Variants in CDKAL1 observed in about 807,000 individuals in gnomAD.
CDKAL1 encodes the protein threonylcarbamoyladenosine tRNA methylthiotransferase.
A neutral mutation model predicts 68.2 loss-of-function variants in CDKAL1; 32 were observed. The ratio of observed to expected loss-of-function variants is 0.47; its 90% CI spans 0.35 to 0.63. The LOEUF is 0.63. Among genes scored for constraint, CDKAL1 ranks in the 30% least tolerant of loss-of-function variants. The pLI is 0.00. For synonymous variants in CDKAL1, 234 were observed against 244.3 expected (o/e 0.96, Z 0.39); for missense variants, 606 against 696.7 (o/e 0.87, Z 1.47).
rs561327276 is a variant in CDKAL1, at chr6:20,683,623, T to A, written c.371+34246T>A. ...GGAAGGTACAGAGATGTTCCATATA[T>A]CCCCTGCCCCCACATATCTGCAGCC... On this transcript the variant is annotated intron_variant, in intron 5 of 15. Coordinates refer to ENST00000274695, the MANE Select transcript of CDKAL1 (RefSeq NM_017774.3). 9.2e-5 allele frequency among the ~76,000 whole-genome samples: 14 copies of A among 152,260 alleles called. No individual in the cohort carries two copies. The East Asian group carries it at 2.7e-3, about 29-fold the overall frequency.
chr6:20,817,751 G>A (rs1431678637), intron 8 of CDKAL1, among the ~76,000 whole-genome samples: 1 of 152,048 alleles, frequency 6.6e-6, no homozygotes, highest in Non-Finnish European at 1.5e-5. Context: ...TCTACCTCCG[G>A]CAAGCATACA....
chr6:21,117,714 G>A (rs915159783), intron 13 of CDKAL1, among the ~76,000 whole-genome samples: 33 of 152,276 alleles, frequency 2.2e-4, no homozygotes, highest in African/African-American at 7.2e-4. Context: ...CCCTAGTTGC[G>A]TGAGCATTAT....
At chr6:20,654,983 T>A (rs1030290120) in intron 5 of CDKAL1, among the ~76,000 whole-genome samples, 34 of 152,350 alleles carry the variant, frequency 2.2e-4, no homozygotes, top group African/African-American at 8.2e-4. Context: ...AATTTTTAGA[T>A]GATTTTGGGG....
intron 11 of CDKAL1, among the ~76,000 whole-genome samples, chr6:21,024,905 C>T (rs1421072849): frequency 6.6e-6 from 1 of 152,172 alleles, no homozygotes; most frequent in East Asian, 1.9e-4. Context: ...AATTCAACAA[C>T]AAATTTAGAC....
At chr6:20,906,502 A>G (rs1450335651) in intron 9 of CDKAL1, among the ~76,000 whole-genome samples, 1 of 152,204 alleles carries the variant, frequency 6.6e-6, no homozygotes, top group Non-Finnish European at 1.5e-5. Context: ...ACCCATTGTA[A>G]GTTGAAAATA....
intron 9 of CDKAL1, among the ~76,000 whole-genome samples, chr6:20,885,283 A>G (rs4131667): frequency 0.5 from 76,175 of 152,032 alleles, 19,369 homozygotes; most frequent in South Asian, 0.53. Context: ...CTACAGAGTT[A>G]TGGTAATCAA....
intron 4 of CDKAL1, 134 bp from the exon 5 acceptor site, chr6:20,649,159 A>T (rs945921145): frequency 1.6e-6 from 1 of 632,534 alleles, no homozygotes; most frequent in Non-Finnish European, 2.8e-6. Flanking sequence ...GCAATTTTCT[A>T]CTGTGTTGTA....
At chr6:20,951,752 G>A (rs1437535261) in intron 9 of CDKAL1, among the ~76,000 whole-genome samples, 2 of 152,034 alleles carry the variant, frequency 1.3e-5, no homozygotes, top group Non-Finnish European at 2.9e-5. Flanking sequence ...TTGGGAAAAC[G>A]AAAACAAGTC....
At chr6:21,179,007 G>A (rs1562095457) in intron 13 of CDKAL1, among the ~76,000 whole-genome samples, 1 of 152,234 alleles carries the variant, frequency 6.6e-6, no homozygotes, top group Admixed American at 6.5e-5. Flanking sequence ...TGGACAGTGA[G>A]GTTAGTTTGA....
At chr6:21,186,135 GC>G (rs1778001104) in intron 13 of CDKAL1, among the ~76,000 whole-genome samples, 1 of 152,086 alleles carries the variant, frequency 6.6e-6, no homozygotes, top group African/African-American at 2.4e-5. Context: ...GAGATGTATT[GC>G]CCACTGCTGA....
chr6:21,041,721 T>C (rs1769944380), intron 11 of CDKAL1, among the ~76,000 whole-genome samples: 1 of 152,172 alleles, frequency 6.6e-6, no homozygotes, highest in Non-Finnish European at 1.5e-5. Flanking sequence ...GTATAGCATT[T>C]AAAATTTTTG....
At chr6:20,854,249 G>A (rs1759203399) in intron 9 of CDKAL1, among the ~76,000 whole-genome samples, 1 of 152,164 alleles carries the variant, frequency 6.6e-6, no homozygotes, top group African/African-American at 2.4e-5. Context: ...CTCTCACTAA[G>A]TTTTTGTTAG....
chr6:20,628,588 A>G (rs6934727), intron 4 of CDKAL1, among the ~76,000 whole-genome samples: 8,394 of 152,160 alleles, frequency 0.055, 717 homozygotes, highest in African/African-American at 0.19. Flanking sequence ...TTTAAAAAGC[A>G]TACTTTGTCA....
intron 8 of CDKAL1, among the ~76,000 whole-genome samples, chr6:20,793,774 T>G (rs1775999367): frequency 7.0e-6 from 1 of 142,390 alleles, no homozygotes; most frequent in Admixed American, 7.1e-5. Flanking sequence ...TTTTTTTTAA[T>G]TTTAAATTTA....
intron 12 of CDKAL1, among the ~76,000 whole-genome samples, chr6:21,086,159 AGAGGAAACT>A (rs1245676347): frequency 3.3e-5 from 5 of 152,212 alleles, no homozygotes; most frequent in African/African-American, 1.2e-4. Context: ...ACTTTACATA[AGAGGAAACT>A]GAGGCACAAA....
At chr6:20,621,331 C>T (rs1767181113) in intron 4 of CDKAL1, among the ~76,000 whole-genome samples, 1 of 152,126 alleles carries the variant, frequency 6.6e-6, no homozygotes, top group South Asian at 2.1e-4. Flanking sequence ...GCCATTTTCA[C>T]CACATCATAT....
intron 10 of CDKAL1, among the ~76,000 whole-genome samples, chr6:20,996,947 T>C (rs762276631): frequency 6.6e-6 from 1 of 152,358 alleles, no homozygotes. Flanking sequence ...GAATATATGT[T>C]TGTTTACCTG....
intron 10 of CDKAL1, among the ~76,000 whole-genome samples, chr6:20,960,413 A>G (rs1765000214): frequency 6.6e-6 from 1 of 152,240 alleles, no homozygotes; most frequent in Admixed American, 6.5e-5. Context: ...ACTCTACTGC[A>G]TCTTCAAGGA....
intron 5 of CDKAL1, among the ~76,000 whole-genome samples, chr6:20,650,805 T>G (rs1768727906): frequency 1.3e-5 from 2 of 152,196 alleles, no homozygotes; most frequent in African/African-American, 4.8e-5. Context: ...ATTTATCAAG[T>G]AGGGAATCCT....
Sources: allele counts gnomAD v4.1 joint callset (sites outside exome capture counted in the v4.1 genomes callset), GRCh38; gene constraint gnomAD v4.1.1; transcripts MANE v1.5; gene names NCBI Gene and HGNC (gene_info 2026-07-23, HGNC 2026-07-21).